Variants in RAP1GAP observed in about 807,000 individuals in gnomAD.
RAP1GAP encodes the protein RAP1 GTPase activating protein, also known as rap1 GTPase-activating protein 1.
Under a neutral mutation model 87.2 loss-of-function variants are expected in RAP1GAP, and 35 were observed. The ratio of observed to expected loss-of-function variants is 0.40; its 90% CI spans 0.31 to 0.53. RAP1GAP has a LOEUF of 0.53. RAP1GAP is among the 20% of genes least tolerant of loss of function. The pLI is 0.48. For missense variants in RAP1GAP, 734 were observed against 898.9 expected, an observed-to-expected ratio of 0.82 and a Z score of 2.35; for synonymous variants, 375 against 363.9, an observed-to-expected ratio of 1.03 and a Z score of -0.35.
Position 21,613,329 on chromosome 1 carries a change from CTGGGA to C in RAP1GAP, c.475-105_475-101del. On this transcript the variant is annotated intron_variant, in intron 9 of 24. Coordinates refer to ENST00000374765, the MANE Select transcript of RAP1GAP (RefSeq NM_002885.4). This position sits in a 1 kb window ranked among gnomAD's most constrained non-coding sequence, Gnocchi z 4.7. Reference sequence around the variant, plus strand: ...GGTCAAGGTCTGGGGAGGAGCCATGCTGGGAATGGCCAAGGCTAAAGCAGGACTCG... The same window carrying C: ...GGTCAAGGTCTGGGGAGGAGCCATGCATGGCCAAGGCTAAAGCAGGACTCG... 9.0e-7 allele frequency: 1 copy of C among 1,112,392 alleles called. No individual in the cohort carries two copies. The highest frequency in any genetic ancestry group is 1.4e-6 in the Non-Finnish European group (1 of 729,206). The allele number at this position is 1,112,392 out of a possible 1,614,324, so 68.9% of individuals were successfully genotyped here. A position where few individuals can be genotyped will look rare whatever the true frequency, so the allele number is the denominator to read the frequency against.
intron 1 of RAP1GAP, among the ~76,000 whole-genome samples, chr1:21,653,547 CCT>C (rs2096719634): frequency 1.1e-5 from 1 of 94,218 alleles, no homozygotes; most frequent in African/African-American, 5.7e-5. Context: ...GGAGGAACTT[CCT>C]TCCTTCCTTC....
At chr1:21,657,931 A>G (rs2096928891) in intron 1 of RAP1GAP, among the ~76,000 whole-genome samples, 1 of 152,154 alleles carries the variant, frequency 6.6e-6, no homozygotes, top group Non-Finnish European at 1.5e-5. Flanking sequence ...CAAGGCCCTC[A>G]TTGAGGCAGT....
chr1:21,621,457 A>G (rs2087463410), intron 3 of RAP1GAP, among the ~76,000 whole-genome samples: 1 of 152,228 alleles, frequency 6.6e-6, no homozygotes. Flanking sequence ...ACAAGCCCAT[A>G]TAAATGTGCA....
intron 7 of RAP1GAP, among the ~76,000 whole-genome samples, chr1:21,614,947 G>A (rs936997935): frequency 3.9e-5 from 6 of 152,352 alleles, no homozygotes; most frequent in African/African-American, 9.6e-5. Flanking sequence ...CAGAGGCCAG[G>A]AGCAGATAGA....
At chr1:21,642,936 C>T (rs1005306444) in intron 2 of RAP1GAP, among the ~76,000 whole-genome samples, 7 of 151,122 alleles carry the variant, frequency 4.6e-5, no homozygotes, top group African/African-American at 1.7e-4. Context: ...CCCACTTCAA[C>T]TTTTGAGTCA....
intron 1 of RAP1GAP, among the ~76,000 whole-genome samples, chr1:21,663,763 G>C (rs1332457400): frequency 3.9e-5 from 6 of 152,112 alleles, no homozygotes; most frequent in Non-Finnish European, 8.8e-5. Context: ...GCCTGGCTGC[G>C]GCAGACACAT....
intron 1 of RAP1GAP, among the ~76,000 whole-genome samples, chr1:21,656,053 T>A (rs1347481534): frequency 6.6e-6 from 1 of 152,200 alleles, no homozygotes; most frequent in African/African-American, 2.4e-5. Flanking sequence ...GGCAGCCTCT[T>A]GTGTGGCTTT....
intron 2 of RAP1GAP, among the ~76,000 whole-genome samples, chr1:21,629,907 T>C (rs1019717804): frequency 6.6e-6 from 1 of 152,194 alleles, no homozygotes; most frequent in East Asian, 1.9e-4. Flanking sequence ...TTATAACATG[T>C]ACGTCCAATC....
intron 3 of RAP1GAP, among the ~76,000 whole-genome samples, chr1:21,620,262 G>T (rs1260690601): frequency 6.6e-6 from 1 of 152,214 alleles, no homozygotes; most frequent in African/African-American, 2.4e-5. Flanking sequence ...GGTGAACCCA[G>T]AGCCTAGGGC....
intron 13 of RAP1GAP, among the ~76,000 whole-genome samples, chr1:21,610,622 T>C (rs886436599): frequency 6.6e-6 from 1 of 152,158 alleles, no homozygotes; most frequent in African/African-American, 2.4e-5. Context: ...GATGATGATA[T>C]CAAGGCCGAG....
At position 21,613,282 on chromosome 1, in the gene RAP1GAP, ATG is replaced by A; in HGVS notation, c.475-55_475-54del. 1.4e-6 allele frequency: 2 copies of A among 1,455,780 alleles called. No individual in the cohort carries two copies. Among genetic ancestry groups the A allele is most frequent in the South Asian group, 1.1e-5 (1 of 87,688 alleles). 90.2% of individuals were successfully genotyped at this position (1,455,780 alleles called of 1,614,324 possible). A position where few individuals can be genotyped will look rare whatever the true frequency, so the allele number is the denominator to read the frequency against. Reference sequence around the variant, plus strand: ...GAGGTGTGGGGCCAGGGAGGAGAGGATGGGGCTGCCTGGGCCTCCCTGGTCAA... The same window carrying A: ...GAGGTGTGGGGCCAGGGAGGAGAGGAGGGCTGCCTGGGCCTCCCTGGTCAA... On this transcript the variant is annotated intron_variant, in intron 9 of 24. Transcript: ENST00000374765. This position sits in a 1 kb window ranked among gnomAD's most constrained non-coding sequence, Gnocchi z 4.7.
chr1:21,631,168 C>T (rs1436008626), intron 2 of RAP1GAP, among the ~76,000 whole-genome samples: 1 of 152,206 alleles, frequency 6.6e-6, no homozygotes, highest in Non-Finnish European at 1.5e-5. Context: ...GTCTCTATCC[C>T]TTCCCCACGT....
rs187680375 is a variant in RAP1GAP at position 21,661,568 on chromosome 1, G to C, written c.-149+7686C>G. Among the ~76,000 whole-genome samples, 8 of 152,286 alleles carry C rather than the reference G, an allele frequency of 5.3e-5. No homozygotes were observed. In the East Asian group the frequency reaches 1.5e-3, roughly 29 times the overall value. ...CTGCCACTTCCTGGCTTGTGACTTTGGTCCATTTTCATAACCTCTCAAAGC... is the reference window on the plus strand; with the variant it reads ...CTGCCACTTCCTGGCTTGTGACTTTCGTCCATTTTCATAACCTCTCAAAGC... On this transcript the variant is annotated intron_variant, in intron 1 of 24. Coordinates refer to ENST00000374765, the MANE Select transcript of RAP1GAP (RefSeq NM_002885.4).
At chr1:21,608,977 G>A in intron 15 of RAP1GAP, 41 bp from the exon 16 acceptor site, 1 of 1,529,270 alleles carries the variant, frequency 6.5e-7, no homozygotes, top group East Asian at 2.3e-5. Context: ...AAGGGAAGTT[G>A]AGATGACACA....
At chr1:21,635,649 C>T (rs958401511) in intron 2 of RAP1GAP, among the ~76,000 whole-genome samples, 1 of 152,228 alleles carries the variant, frequency 6.6e-6, no homozygotes, top group East Asian at 1.9e-4. Flanking sequence ...GTTGCTGCCT[C>T]ATAGGCTCCA....
intron 3 of RAP1GAP, among the ~76,000 whole-genome samples, chr1:21,621,308 A>T (rs2087264188): frequency 6.6e-6 from 1 of 152,226 alleles, no homozygotes; most frequent in South Asian, 2.1e-4. Context: ...CTGCCCCGGC[A>T]GGGTCACATA....
chr1:21,636,530 G>A (rs1424822045), intron 2 of RAP1GAP, among the ~76,000 whole-genome samples: 11 of 152,152 alleles, frequency 7.2e-5, no homozygotes, highest in Admixed American at 7.2e-4. Flanking sequence ...ACCTAGGCAG[G>A]GCATGGTGGC....
chr1:21,668,124 T>C lies in RAP1GAP; in HGVS notation c.-149+1130A>G, dbSNP rs1280242683. On this transcript the variant is annotated intron_variant, in intron 1 of 24. Transcript: ENST00000374765. This position sits in a 1 kb window ranked among gnomAD's most constrained non-coding sequence, Gnocchi z 6.2. ...GCAACCTTCCCCAGTGCCCCAACCA[T>C]AGCGTTTTCCCCCAAACACCCTCAG... Among the ~76,000 whole-genome samples, 2 of 152,130 alleles carry C rather than the reference T, an allele frequency of 1.3e-5. No homozygotes were observed. The highest frequency in any genetic ancestry group is 1.9e-4 in the East Asian group (1 of 5,176).
At position 21,668,706 on chromosome 1, in the gene RAP1GAP, C is replaced by A. The variant is rs2097465368; in HGVS notation, c.-149+548G>T. On this transcript the variant is annotated intron_variant, in intron 1 of 24. Coordinates refer to ENST00000374765, the MANE Select transcript of RAP1GAP (RefSeq NM_002885.4). This position sits in a 1 kb window ranked among gnomAD's most constrained non-coding sequence, Gnocchi z 6.2. ...TCGTGACGCGTGTGCCCCGCTCTGC[C>A]GCGGGGGTCAGGGACAGGGGAATGC... 2 of 152,150 alleles carry A rather than the reference C, an allele frequency of 1.3e-5. No individual in the cohort carries two copies. The highest frequency in any genetic ancestry group is 2.9e-5 in the Non-Finnish European group (2 of 68,044). 9.4% of individuals were successfully genotyped at this position (152,150 alleles called of 1,614,324 possible). A position where few individuals can be genotyped will look rare whatever the true frequency, so the allele number is the denominator to read the frequency against.
Sources: allele counts gnomAD v4.1 joint callset (sites outside exome capture counted in the v4.1 genomes callset), GRCh38; gene constraint gnomAD v4.1.1; non-coding constraint Gnocchi (gnomAD v3.1); transcripts MANE v1.5; gene names NCBI Gene and HGNC (gene_info 2026-07-23, HGNC 2026-07-21).